The following MAGI3 variants were observed in gnomAD, a reference collection of about 807,000 sequenced individuals.
The protein encoded by MAGI3 is membrane-associated guanylate kinase, WW and PDZ domain-containing protein 3.
A neutral mutation model predicts 121.8 loss-of-function variants in MAGI3; 43 were observed. That is an observed-to-expected ratio of 0.35 (90% confidence interval 0.28 to 0.46). The LOEUF is 0.46. Ranked by LOEUF, MAGI3 falls within the 20% of genes least tolerant of loss-of-function variation. The probability of loss-of-function intolerance (pLI) is 1.00; values close to 1 mark genes in which losing one functional copy is unlikely to be tolerated. For synonymous variants in MAGI3, 553 were observed against 639.3 expected, an observed-to-expected ratio of 0.86 and a Z score of 2.04; for missense variants, 1,547 against 1,797.3, an observed-to-expected ratio of 0.86 and a Z score of 2.52.
chr1:113,638,303 G>T (rs879071313), intron 9 of MAGI3, among the ~76,000 whole-genome samples: 19 of 152,198 alleles, frequency 1.2e-4, no homozygotes, highest in Non-Finnish European at 2.1e-4. Flanking sequence ...GAGGAGAGGC[G>T]CTCTGCTTTT....
chr1:113,610,585 T>C (rs536456443), intron 6 of MAGI3, among the ~76,000 whole-genome samples: 1 of 152,168 alleles, frequency 6.6e-6, no homozygotes, highest in Non-Finnish European at 1.5e-5. Flanking sequence ...TCAACAGATA[T>C]GACATCCCCC....
intron 9 of MAGI3, among the ~76,000 whole-genome samples, chr1:113,631,850 C>T (rs1651653722): frequency 6.6e-6 from 1 of 152,244 alleles, no homozygotes; most frequent in Admixed American, 6.5e-5. Flanking sequence ...AAAGCCTTTA[C>T]TTGGTAATTG....
chr1:113,672,619 G>GC lies in MAGI3; in HGVS notation c.2926dup (p.Leu976ProfsTer4). On this transcript the variant is annotated frameshift_variant, in exon 18 of 21. Transcript: ENST00000307546. LOFTEE classifies it high-confidence loss of function. ...CTTGATTTCTCTCTCTTGTAGAAGT[G>GC]CCCTAGAAGGTGAAATTGGAAAAGA... 1 of 1,613,294 alleles carries GC rather than the reference G, an allele frequency of 6.2e-7. No individual in the cohort carries two copies. Among genetic ancestry groups the GC allele is most frequent in the Non-Finnish European group, 8.5e-7 (1 of 1,179,628 alleles).
intron 9 of MAGI3, among the ~76,000 whole-genome samples, chr1:113,636,602 A>G (rs1362035902): frequency 4.6e-5 from 7 of 152,082 alleles, no homozygotes; most frequent in Non-Finnish European, 1.0e-4. Flanking sequence ...ACAGTTTGTT[A>G]TAATTTCTGT....
chr1:113,533,790 T>TC (rs1461054429), intron 1 of MAGI3, among the ~76,000 whole-genome samples: 1 of 151,274 alleles, frequency 6.6e-6, no homozygotes, highest in African/African-American at 2.4e-5. Context: ...TTTTTCTTTT[T>TC]TTTTTTTTTT....
intron 6 of MAGI3, among the ~76,000 whole-genome samples, chr1:113,595,265 T>C (rs1648929282): frequency 2.6e-5 from 4 of 152,170 alleles, no homozygotes. Context: ...GTCATGCTAC[T>C]GCACTCCAGC....
At chr1:113,669,848 C>A (rs1647429134) in intron 16 of MAGI3, among the ~76,000 whole-genome samples, 1 of 152,024 alleles carries the variant, frequency 6.6e-6, no homozygotes. Context: ...GTTTTTTACA[C>A]AAGGCAGTGG....
intron 1 of MAGI3, among the ~76,000 whole-genome samples, chr1:113,508,420 T>C (rs950273865): frequency 6.6e-6 from 1 of 152,190 alleles, no homozygotes; most frequent in Admixed American, 6.5e-5. Context: ...GGCTCATTTT[T>C]CCACTGTTTT....
rs1483973387 is a variant in MAGI3 at position 113,629,607 on chromosome 1, C to G, written c.1360+6613C>G. The stretch of plus-strand genomic sequence containing the variant: ...TATTCGAAGGGACCTAGGTCCTAAA[C>G]CCAATAACAATAAGTACCACCTTGG... On this transcript the variant is annotated intron_variant, in intron 9 of 20. Transcript: ENST00000307546. Among the ~76,000 whole-genome samples the G allele has an allele frequency of 5.9e-5, 9 of 152,108 alleles. 1 individual carries two copies. The highest frequency in any genetic ancestry group is 4.6e-4 in the Admixed American group (7 of 15,278).
rs1171153816 is a variant in MAGI3, at chr1:113,658,269, T to C, written c.2630-811T>C. Among the ~76,000 whole-genome samples, 1 of 152,238 alleles carries C rather than the reference T, an allele frequency of 6.6e-6. No individual in the cohort carries two copies. Among genetic ancestry groups the C allele is most frequent in the Non-Finnish European group, 1.5e-5 (1 of 68,054 alleles). On this transcript the variant is annotated intron_variant, in intron 15 of 20. Coordinates refer to ENST00000307546, the MANE Select transcript of MAGI3 (RefSeq NM_001142782.2). This position sits in a 1 kb window ranked among gnomAD's most constrained non-coding sequence, Gnocchi z 4.0. The stretch of plus-strand genomic sequence containing the variant: ...GAATATCTGAGAACTCATTTCAAGC[T>C]ATAATAATAGCAGAGTATCTTAATA...
At chr1:113,563,017 A>G (rs1376288757) in intron 2 of MAGI3, among the ~76,000 whole-genome samples, 2 of 152,198 alleles carry the variant, frequency 1.3e-5, no homozygotes, top group Non-Finnish European at 2.9e-5. Flanking sequence ...AAAAATATTA[A>G]AAGAAAATGT....
At chr1:113,414,510 A>AT (rs1438403781) in intron 1 of MAGI3, among the ~76,000 whole-genome samples, 4 of 151,580 alleles carry the variant, frequency 2.6e-5, no homozygotes, top group Admixed American at 1.3e-4. Context: ...CTGGTCCTGG[A>AT]TTTTTTTTGT....
intron 16 of MAGI3, among the ~76,000 whole-genome samples, chr1:113,663,783 C>A (rs1461628920): frequency 6.6e-6 from 1 of 152,106 alleles, no homozygotes; most frequent in African/African-American, 2.4e-5. Context: ...AAACTGTTTT[C>A]CACAGCAGCT....
At chr1:113,638,152 T>C (rs1275950991) in intron 9 of MAGI3, among the ~76,000 whole-genome samples, 1 of 152,220 alleles carries the variant, frequency 6.6e-6, no homozygotes, top group Non-Finnish European at 1.5e-5. Flanking sequence ...TCAAAGTTTT[T>C]AACTTCTTTG....
chr1:113,551,226 A>G lies in MAGI3; in HGVS notation c.433+1595A>G, dbSNP rs979914814. Among the ~76,000 whole-genome samples the G allele has an allele frequency of 3.3e-5, 5 of 152,216 alleles. No homozygotes were observed. In the South Asian group the frequency reaches 6.2e-4, roughly 19 times the overall value. ...CCTCATATAGCTGTTACTAGGATTT[A>G]AAATGAGAGCATATATGTAAACTGC... On this transcript the variant is annotated intron_variant, in intron 2 of 20. Coordinates refer to ENST00000307546, the MANE Select transcript of MAGI3 (RefSeq NM_001142782.2).
chr1:113,640,500 T>C (rs1197506917), intron 9 of MAGI3, among the ~76,000 whole-genome samples: 5 of 152,252 alleles, frequency 3.3e-5, no homozygotes, highest in South Asian at 4.2e-4. Flanking sequence ...CAATGATAGA[T>C]TGCATAAGGA....
At chr1:113,570,572 A>G (rs1647235504) in intron 2 of MAGI3, among the ~76,000 whole-genome samples, 1 of 152,150 alleles carries the variant, frequency 6.6e-6, no homozygotes, top group Non-Finnish European at 1.5e-5. Flanking sequence ...TGACTTTTTA[A>G]TAATCGCCAT....
intron 6 of MAGI3, among the ~76,000 whole-genome samples, chr1:113,608,393 A>T (rs972341963): frequency 6.6e-6 from 1 of 152,210 alleles, no homozygotes; most frequent in African/African-American, 2.4e-5. Flanking sequence ...ACCAGTTTAT[A>T]GTCAATAGAG....
chr1:113,414,196 G>T (rs1161507677), intron 1 of MAGI3, among the ~76,000 whole-genome samples: 1 of 152,214 alleles, frequency 6.6e-6, no homozygotes, highest in African/African-American at 2.4e-5. Context: ...ATTTGTGTAT[G>T]TTGAACCAGC....
Sources: allele counts gnomAD v4.1 joint callset (sites outside exome capture counted in the v4.1 genomes callset), GRCh38; gene constraint gnomAD v4.1.1; non-coding constraint Gnocchi (gnomAD v3.1); transcripts MANE v1.5; gene names NCBI Gene and HGNC (gene_info 2026-07-23, HGNC 2026-07-21).